Variants in DLGAP2 observed in about 807,000 individuals in gnomAD.
The protein encoded by DLGAP2 is disks large-associated protein 2.
In DLGAP2, 26 loss-of-function variants were observed where a neutral mutation model predicts 100.3. That is an observed-to-expected ratio of 0.26 (90% CI 0.19 to 0.36). The LOEUF is 0.36. DLGAP2 is among the 10% of genes least tolerant of loss of function. The pLI, the probability that DLGAP2 is intolerant of heterozygous loss-of-function variation, is 1.00. For synonymous variants in DLGAP2, 886 were observed against 630.1 expected (o/e 1.41, Z -6.08); for missense variants, 1,858 against 1,453.2 (o/e 1.28, Z -4.53).
intron 3 of DLGAP2, among the ~76,000 whole-genome samples, chr8:1,437,125 G>C (rs574634134): frequency 1.3e-5 from 2 of 150,622 alleles, no homozygotes; most frequent in Non-Finnish European, 3.0e-5. Flanking sequence ...GCCCAGGCGC[G>C]TAAGGGTGAC....
intron 2 of DLGAP2, among the ~76,000 whole-genome samples, chr8:1,074,483 G>C (rs1803540226): frequency 6.6e-6 from 1 of 152,220 alleles, no homozygotes; most frequent in Admixed American, 6.5e-5. Context: ...TTTCATGTGG[G>C]ACAGAGGGAA....
intron 2 of DLGAP2, among the ~76,000 whole-genome samples, chr8:1,027,575 TTC>T (rs1288963816): frequency 6.7e-6 from 1 of 149,786 alleles, no homozygotes; most frequent in African/African-American, 2.5e-5. Flanking sequence ...GCGCCCGTTA[TTC>T]TCCAGGTGGG....
chr8:1,693,067 A>G (rs1799294936), intron 13 of DLGAP2, among the ~76,000 whole-genome samples: 1 of 148,172 alleles, frequency 6.7e-6, no homozygotes, highest in South Asian at 2.1e-4. Context: ...GTATTTATAT[A>G]TAAACATATA....
intron 1 of DLGAP2, among the ~76,000 whole-genome samples, chr8:898,311 C>G (rs367898280): frequency 6.6e-6 from 1 of 152,246 alleles, no homozygotes; most frequent in South Asian, 2.1e-4. Context: ...ACCCAAGAGG[C>G]CTTGGGGTGA....
At chr8:1,134,263 A>T (rs1796357001) in intron 2 of DLGAP2, among the ~76,000 whole-genome samples, 1 of 152,126 alleles carries the variant, frequency 6.6e-6, no homozygotes, top group Non-Finnish European at 1.5e-5. Flanking sequence ...GGTTGATTCC[A>T]TGTTTTTGCT....
intron 1 of DLGAP2, among the ~76,000 whole-genome samples, chr8:828,610 G>C (rs1374207143): frequency 2.0e-5 from 3 of 152,174 alleles, no homozygotes; most frequent in African/African-American, 7.2e-5. Flanking sequence ...ACAGGGTCCT[G>C]AGACGATATG....
intron 3 of DLGAP2, among the ~76,000 whole-genome samples, chr8:1,436,943 TCA>T (rs1797650432): frequency 6.6e-6 from 1 of 152,282 alleles, no homozygotes; most frequent in African/African-American, 2.4e-5. Flanking sequence ...TTCAGTGCAG[TCA>T]CACGCTGTGC....
intron 2 of DLGAP2, among the ~76,000 whole-genome samples, chr8:1,147,576 A>G (rs1368614257): frequency 6.7e-6 from 1 of 150,054 alleles, no homozygotes; most frequent in Non-Finnish European, 1.5e-5. Context: ...TCTGTCACCC[A>G]GGCTGGAGTC....
intron 2 of DLGAP2, among the ~76,000 whole-genome samples, chr8:1,041,262 C>T (rs1432991462): frequency 6.6e-6 from 1 of 152,212 alleles, no homozygotes; most frequent in African/African-American, 2.4e-5. Context: ...TGTTAACAGT[C>T]ATAAATGGTA....
intron 3 of DLGAP2, among the ~76,000 whole-genome samples, chr8:1,427,557 T>C (rs986227510): frequency 6.6e-6 from 1 of 152,218 alleles, no homozygotes; most frequent in African/African-American, 2.4e-5. Context: ...TCATCTTGAA[T>C]TGTAACTCCC....
chr8:1,413,819 G>T (rs552626114), intron 3 of DLGAP2, among the ~76,000 whole-genome samples: 1 of 152,368 alleles, frequency 6.6e-6, no homozygotes, highest in South Asian at 2.1e-4. Context: ...CGCCTGCCAG[G>T]TGGGCCTTGG....
Position 1,433,168 on chromosome 8 carries a change from G to A in DLGAP2, c.107-68198G>A, listed in dbSNP as rs578173434. ...CCGCCATGAGCCCAAAGCCCCTCCA[G>A]GAACGTGCGGGACTTGGGTTCCATG... On this transcript the variant is annotated intron_variant, in intron 3 of 14. Transcript: ENST00000637795. 9.2e-5 allele frequency among the ~76,000 whole-genome samples: 14 copies of A among 152,306 alleles called. No homozygotes were observed. The East Asian group carries it at 2.7e-3, about 29-fold the overall frequency.
At chr8:1,142,527 G>C (rs1168444099) in intron 2 of DLGAP2, among the ~76,000 whole-genome samples, 2 of 152,184 alleles carry the variant, frequency 1.3e-5, no homozygotes, top group Non-Finnish European at 2.9e-5. Context: ...TTTTGTAAAA[G>C]TGCCATAAGA....
At chr8:1,697,404 G>A in intron 14 of DLGAP2, 105 bp downstream of exon 14, 1 of 1,460,972 alleles carries the variant, frequency 6.8e-7, no homozygotes. Flanking sequence ...GTCTTTTGCT[G>A]GCAACACACG....
chr8:1,345,810 CT>C (rs1210752391), intron 3 of DLGAP2, among the ~76,000 whole-genome samples: 7 of 152,212 alleles, frequency 4.6e-5, no homozygotes, highest in Non-Finnish European at 1.5e-5. Context: ...TAACACCTAC[CT>C]CAGCATTGTT....
In DLGAP2 at chr8:1,695,736, C is replaced by G. The variant is rs1799381587; in HGVS notation, c.2797-1411C>G. ...AGCCAGGTAGGAACCACCCCTACAGCCTCTGAGCAGCCTCCCCTGCTGCTT... is the reference window on the plus strand; with the variant it reads ...AGCCAGGTAGGAACCACCCCTACAGGCTCTGAGCAGCCTCCCCTGCTGCTT... On this transcript the variant is annotated intron_variant, in intron 13 of 14. Coordinates refer to ENST00000637795, the MANE Select transcript of DLGAP2 (RefSeq NM_001346810.2). Among the ~76,000 whole-genome samples, 3 of 152,272 alleles carry G rather than the reference C, an allele frequency of 2.0e-5. No individual in the cohort carries two copies. In the South Asian group the frequency reaches 6.2e-4, roughly 32 times the overall value.
At position 1,386,350 on chromosome 8, in the gene DLGAP2, C is replaced by G. The variant is rs1262345740; in HGVS notation, c.107-115016C>G. ...GAACAATGAATACAACATAGGCCGA[C>G]ACCCCTGGAAAACTCCCATACACCA... On this transcript the variant is annotated intron_variant, in intron 3 of 14. Transcript: ENST00000637795. Among the ~76,000 whole-genome samples the G allele has an allele frequency of 2.0e-5, 3 of 152,336 alleles. No individual in the cohort carries two copies. The East Asian group carries it at 5.8e-4, about 29-fold the overall frequency.
chr8:1,205,096 C>G (rs111596478), intron 2 of DLGAP2, among the ~76,000 whole-genome samples: 1 of 152,186 alleles, frequency 6.6e-6, no homozygotes, highest in South Asian at 2.1e-4. Flanking sequence ...GTTTCCTGTC[C>G]GTCAAGGAGG....
intron 6 of DLGAP2, among the ~76,000 whole-genome samples, chr8:1,571,345 T>G (rs1584940194): frequency 2.1e-5 from 2 of 93,368 alleles, no homozygotes; most frequent in Non-Finnish European, 4.2e-5. Context: ...GGGTGAACTG[T>G]GGGGGCATCT....
Sources: allele counts gnomAD v4.1 joint callset (sites outside exome capture counted in the v4.1 genomes callset), GRCh38; gene constraint gnomAD v4.1.1; transcripts MANE v1.5; gene names NCBI Gene and HGNC (gene_info 2026-07-23, HGNC 2026-07-21).